The following ENTPD1 variants were observed in gnomAD, a reference collection of about 807,000 sequenced individuals.
ENTPD1 encodes the protein ectonucleoside triphosphate diphosphohydrolase 1, also known as ATP diphosphohydrolase.
A neutral mutation model predicts 57.0 loss-of-function variants in ENTPD1; 33 were observed. That is an observed-to-expected ratio of 0.58 (90% CI 0.44 to 0.77). The LOEUF is 0.77. ENTPD1 is among the 30% of genes least tolerant of loss of function. The pLI is 0.00. For synonymous variants in ENTPD1, 202 were observed against 218.8 expected (o/e 0.92, Z 0.68); for missense variants, 501 against 603.4 (o/e 0.83, Z 1.78).
chr10:95,732,857 G>T (rs2139853936), intron 1 of ENTPD1, among the ~76,000 whole-genome samples: 1 of 152,268 alleles, frequency 6.6e-6, no homozygotes, highest in East Asian at 1.9e-4. Context: ...GGGTCACAGA[G>T]ATCACATGCT....
chr10:95,819,386 A>G (rs1407012479), intron 1 of ENTPD1, among the ~76,000 whole-genome samples: 1 of 151,758 alleles, frequency 6.6e-6, no homozygotes, highest in Non-Finnish European at 1.5e-5. Context: ...CCAGTCTCAA[A>G]CTCCTGGACT....
Position 95,875,826 on chromosome 10 carries a change from G to A in ENTPD1, c.*9443G>A, listed in dbSNP as rs1165538276. On this transcript the variant is annotated 3_prime_UTR_variant, in exon 10 of 10. Coordinates refer to ENST00000371205, the MANE Select transcript of ENTPD1 (RefSeq NM_001776.6). Reference sequence around the variant, plus strand: ...ACCCCTGATAAAACCATCAGATCTCGTGAGACTTATTCACTATCACAAGAA... The same window carrying A: ...ACCCCTGATAAAACCATCAGATCTCATGAGACTTATTCACTATCACAAGAA... The A allele has an allele frequency of 5.4e-5, 12 of 223,542 alleles. No individual in the cohort carries two copies. Among genetic ancestry groups the A allele is most frequent in the African/African-American group, 2.3e-4 (10 of 42,786 alleles). The allele number at this position is 223,542 out of a possible 1,614,324, so 13.8% of individuals were successfully genotyped here.
intron 1 of ENTPD1, among the ~76,000 whole-genome samples, chr10:95,733,049 C>A (rs887839099): frequency 6.6e-6 from 1 of 152,164 alleles, no homozygotes; most frequent in African/African-American, 2.4e-5. Context: ...AGAATTTACT[C>A]ACCGTAATAG....
intron 3 of ENTPD1, among the ~76,000 whole-genome samples, chr10:95,840,649 G>T (rs1278728719): frequency 6.6e-6 from 1 of 152,126 alleles, no homozygotes; most frequent in Non-Finnish European, 1.5e-5. Context: ...TACACTCTAG[G>T]TTTCCTGCTA....
At chr10:95,757,711 T>C (rs1330025409) in intron 1 of ENTPD1, among the ~76,000 whole-genome samples, 1 of 151,900 alleles carries the variant, frequency 6.6e-6, no homozygotes, top group African/African-American at 2.4e-5. Flanking sequence ...TTGTCAAAAG[T>C]CTGGACTGGG....
chr10:95,860,713 AT>A (rs2098463937), intron 8 of ENTPD1, 131 bp downstream of exon 8: 1 of 738,750 alleles, frequency 1.4e-6, no homozygotes, highest in Non-Finnish European at 2.4e-6. Context: ...AGAAGACCAG[AT>A]GGTGGACTCA....
At chr10:95,732,912 G>A (rs2097990794) in intron 1 of ENTPD1, among the ~76,000 whole-genome samples, 1 of 152,184 alleles carries the variant, frequency 6.6e-6, no homozygotes, top group South Asian at 2.1e-4. Flanking sequence ...GGCAGGGTGA[G>A]ATCACAGGAC....
At chr10:95,735,975 T>G (rs2139862114) in intron 1 of ENTPD1, among the ~76,000 whole-genome samples, 1 of 151,682 alleles carries the variant, frequency 6.6e-6, no homozygotes, top group Non-Finnish European at 1.5e-5. Flanking sequence ...GTTACGTACT[T>G]TGGTCTATTT....
the ENTPD1 span, among the ~76,000 whole-genome samples, chr10:95,702,038 A>G: frequency 6.6e-6 from 1 of 152,060 alleles, no homozygotes; most frequent in Non-Finnish European, 1.5e-5. Flanking sequence ...AAAGATAAAG[A>G]AGAGAATTCA....
intron 1 of ENTPD1, among the ~76,000 whole-genome samples, chr10:95,746,155 C>T (rs188166175): frequency 3.1e-4 from 47 of 152,202 alleles, no homozygotes; most frequent in Admixed American, 9.8e-4. Flanking sequence ...GGGGAAAAAG[C>T]AAGAGACACA....
At chr10:95,860,386 G>A in intron 7 of ENTPD1, 83 bp from the exon 8 acceptor site, 1 of 1,115,980 alleles carries the variant, frequency 9.0e-7, no homozygotes. Context: ...CCAGGCACCT[G>A]CACAAGGGAT....
At chr10:95,841,823 A>G (rs1417326361) in intron 3 of ENTPD1, among the ~76,000 whole-genome samples, 1 of 152,190 alleles carries the variant, frequency 6.6e-6, no homozygotes, top group Non-Finnish European at 1.5e-5. Context: ...GAAGAGACAT[A>G]GATTCTGTTC....
Position 95,876,318 on chromosome 10 carries a change from T to G in ENTPD1, c.*9935T>G, listed in dbSNP as rs890382858. On this transcript the variant is annotated 3_prime_UTR_variant, in exon 10 of 10. Coordinates refer to ENST00000371205, the MANE Select transcript of ENTPD1 (RefSeq NM_001776.6). ...GAAATGACTTTTGGCCTAGTAACAATGAAAATGGGGGCAAATACAGATAAA... is the reference window on the plus strand; with the variant it reads ...GAAATGACTTTTGGCCTAGTAACAAGGAAAATGGGGGCAAATACAGATAAA... 1.0e-6 allele frequency: 1 copy of G among 985,184 alleles called. No homozygotes were observed. The highest frequency in any genetic ancestry group is 1.7e-5 in the African/African-American group (1 of 57,244). The allele number at this position is 985,184 out of a possible 1,614,324, so 61.0% of individuals were successfully genotyped here. A position where few individuals can be genotyped will look rare whatever the true frequency, so the allele number is the denominator to read the frequency against.
chr10:95,867,095 C>T lies in ENTPD1; in HGVS notation c.*712C>T. 3 of 986,596 alleles carry T rather than the reference C, an allele frequency of 3.0e-6. No homozygotes were observed. The highest frequency in any genetic ancestry group is 3.6e-6 in the Non-Finnish European group (3 of 830,770). 61.1% of individuals were successfully genotyped at this position (986,596 alleles called of 1,614,324 possible). On this transcript the variant is annotated 3_prime_UTR_variant, in exon 10 of 10. Transcript: ENST00000371205. ...TGCAAAAAGCAGATGTAAATATATGCATTCAAACATCAGGGCTTACTATGA... is the reference window on the plus strand; with the variant it reads ...TGCAAAAAGCAGATGTAAATATATGTATTCAAACATCAGGGCTTACTATGA...
intron 2 of ENTPD1, among the ~76,000 whole-genome samples, chr10:95,827,773 C>T (rs1201742609): frequency 1.3e-5 from 2 of 152,182 alleles, no homozygotes; most frequent in Non-Finnish European, 2.9e-5. Flanking sequence ...TGAGCCACCA[C>T]CATGCCCGGC....
intron 1 of ENTPD1, among the ~76,000 whole-genome samples, chr10:95,743,997 C>CATATAT (rs57187898): frequency 0.12 from 9,205 of 79,492 alleles, 871 homozygotes; most frequent in Non-Finnish European, 0.16. Flanking sequence ...TATTTTAAAC[C>CATATAT]ATATATATAT....
At chr10:95,834,787 A>T (rs2140725566) in intron 2 of ENTPD1, among the ~76,000 whole-genome samples, 1 of 152,074 alleles carries the variant, frequency 6.6e-6, no homozygotes, top group East Asian at 1.9e-4. Flanking sequence ...GTTTCCATGA[A>T]CCAAGCAAGG....
intron 1 of ENTPD1, among the ~76,000 whole-genome samples, chr10:95,738,742 A>G (rs951192123): frequency 6.6e-6 from 1 of 152,200 alleles, no homozygotes; most frequent in Non-Finnish European, 1.5e-5. Context: ...TTAAAATGAC[A>G]ATTAGAGGGA....
the ENTPD1 span, among the ~76,000 whole-genome samples, chr10:95,699,636 GAGAA>G: frequency 6.6e-6 from 1 of 151,462 alleles, no homozygotes; most frequent in South Asian, 2.1e-4. Context: ...GATTGAGAGA[GAGAA>G]AGAGAGAAGA....
Sources: allele counts gnomAD v4.1 joint callset (sites outside exome capture counted in the v4.1 genomes callset), GRCh38; gene constraint gnomAD v4.1.1; transcripts MANE v1.5; gene names NCBI Gene and HGNC (gene_info 2026-07-23, HGNC 2026-07-21).